Variants in CLIC6 observed in about 807,000 individuals in gnomAD.
CLIC6 encodes the protein CLIC family member 6.
A neutral mutation model predicts 49.2 loss-of-function variants in CLIC6; 39 were observed. The observed-to-expected ratio is 0.79, with a 90% CI of 0.61 to 1.04. The LOEUF (loss-of-function observed/expected upper bound fraction) is 1.04, where lower values mean the gene tolerates loss of function less well. CLIC6 is among the 50% of genes least tolerant of loss of function. The pLI is 0.00. For missense variants in CLIC6, 988 were observed against 993.1 expected (o/e 0.99, Z 0.07); for synonymous variants, 446 against 433.4 (o/e 1.03, Z -0.36).
chr21:34,676,004 G>A (rs1568957204), intron 1 of CLIC6, among the ~76,000 whole-genome samples: 1 of 48,084 alleles, frequency 2.1e-5, no homozygotes, highest in Non-Finnish European at 3.9e-5. Context: ...CTCTGTCTGG[G>A]CTGACAGGCC....
intron 1 of CLIC6, among the ~76,000 whole-genome samples, chr21:34,698,625 T>C (rs1002564781): frequency 3.9e-5 from 6 of 152,194 alleles, no homozygotes; most frequent in Admixed American, 3.3e-4. Flanking sequence ...AGGCGTCGTA[T>C]GTGTACCATC....
intron 5 of CLIC6, among the ~76,000 whole-genome samples, chr21:34,714,168 G>A (rs2056073083): frequency 6.6e-6 from 1 of 152,190 alleles, no homozygotes; most frequent in African/African-American, 2.4e-5. Flanking sequence ...CAGAGAAGGT[G>A]TGTGAAATAA....
chr21:34,710,445 G>A (rs780365320), intron 5 of CLIC6, among the ~76,000 whole-genome samples: 1 of 152,138 alleles, frequency 6.6e-6, no homozygotes. Flanking sequence ...GTATTATTAG[G>A]GCTTAAAGAC....
chr21:34,682,969 G>A (rs539562101), intron 1 of CLIC6, among the ~76,000 whole-genome samples: 284 of 151,534 alleles, frequency 1.9e-3, no homozygotes, highest in African/African-American at 6.6e-3. Flanking sequence ...CCGCCAACAC[G>A]CCCAGCTAAT....
At chr21:34,673,027 AG>A (rs892340067) in intron 1 of CLIC6, among the ~76,000 whole-genome samples, 3 of 152,160 alleles carry the variant, frequency 2.0e-5, no homozygotes, top group Non-Finnish European at 4.4e-5. Flanking sequence ...ATTTATTTTT[AG>A]GGAAAATCCC....
intron 1 of CLIC6, 138 bp downstream of exon 1, chr21:34,670,900 G>A (rs1190626661): frequency 3.9e-6 from 4 of 1,018,440 alleles, no homozygotes; most frequent in African/African-American, 3.4e-5. Flanking sequence ...TGCGCGGGCG[G>A]TAGGCGGGAC....
chr21:34,672,636 A>T (rs1445299056), intron 1 of CLIC6, among the ~76,000 whole-genome samples: 1 of 152,240 alleles, frequency 6.6e-6, no homozygotes, highest in Non-Finnish European at 1.5e-5. Context: ...TCTCCAGCGC[A>T]GAACACAGGT....
chr21:34,677,214 G>C (rs889740635), intron 1 of CLIC6, among the ~76,000 whole-genome samples: 4 of 152,172 alleles, frequency 2.6e-5, no homozygotes, highest in Non-Finnish European at 5.9e-5. Flanking sequence ...AAATTTCCCA[G>C]TTTTGAATTT....
Position 34,670,253 on chromosome 21 carries a change from G to C in CLIC6, c.865G>C (p.Ala289Pro), listed in dbSNP as rs530124031. ...SMDAEGPAGR[A>P]RRVSGEPQQS... ...GGACGCCGAGGGTCCGGCAGGAAGG[G>C]CGCGCCGGGTCTCGGGTGAGCCGCA... Residue 289 changes from alanine (A) to proline (P), a missense_variant, in exon 1 of 6, where the codon GCG (alanine) becomes CCG (proline). Around this residue, in one of 3 missense-constraint regions of CLIC6, gnomAD observed 647 missense variants for 596.9 expected, o/e 1.08. Transcript: ENST00000349499. 68 of 1,432,066 alleles carry C rather than the reference G, an allele frequency of 4.7e-5. 1 individual carries two copies. In the South Asian group the frequency reaches 9.2e-4, roughly 19 times the overall value. 88.7% of individuals were successfully genotyped at this position (1,432,066 alleles called of 1,614,324 possible).
intron 3 of CLIC6, 78 bp downstream of exon 3, chr21:34,708,147 G>C: frequency 1.7e-6 from 2 of 1,167,084 alleles, no homozygotes; most frequent in Middle Eastern, 2.1e-4. Flanking sequence ...GCTCTGGGCA[G>C]TGTGTGTGTG....
At chr21:34,706,676 G>C (rs928946426) in intron 1 of CLIC6, among the ~76,000 whole-genome samples, 2 of 152,162 alleles carry the variant, frequency 1.3e-5, no homozygotes. Flanking sequence ...GAATCATGCA[G>C]GAAGCTTTGA....
intron 1 of CLIC6, among the ~76,000 whole-genome samples, chr21:34,695,863 G>A (rs902787541): frequency 1.2e-4 from 18 of 152,304 alleles, no homozygotes; most frequent in African/African-American, 3.9e-4. Context: ...GGGCCATGAT[G>A]GCCTGGATTA....
intron 1 of CLIC6, among the ~76,000 whole-genome samples, chr21:34,675,593 G>T (rs954682106): frequency 6.6e-6 from 1 of 152,108 alleles, no homozygotes; most frequent in Non-Finnish European, 1.5e-5. Context: ...ATCAGTACCG[G>T]GTTACTTGGG....
At position 34,713,214 on chromosome 21, in the gene CLIC6, A is replaced by T. The variant is rs377227605; in HGVS notation, c.1900-3107A>T. ...AAGACAGATGGGAAATACATATATG[A>T]TCAAGAACTGCTCCTCCAGCACATT... On this transcript the variant is annotated intron_variant, in intron 5 of 5. Transcript: ENST00000349499. Among the ~76,000 whole-genome samples, 108 of 152,364 alleles carry T rather than the reference A, an allele frequency of 7.1e-4. 2 individuals are homozygous for T. The South Asian group carries it at 0.022, about 31-fold the overall frequency.
chr21:34,671,373 CAT>C (rs1414525774), intron 1 of CLIC6, among the ~76,000 whole-genome samples: 1 of 152,114 alleles, frequency 6.6e-6, no homozygotes, highest in Non-Finnish European at 1.5e-5. Context: ...GCCTTATTGA[CAT>C]AATGTTTTTT....
Position 34,669,666 on chromosome 21 carries a change from C to T in CLIC6, c.278C>T (p.Ala93Val). The change falls in exon 1 of 6, where the codon GCC becomes GTC. Residue 93 changes from alanine to valine, a missense_variant. Transcript: ENST00000349499. ...GCCGAGGAGGGAGCCCCGGAGGGTG[C>T]CGAGGTGCCCCAAGGAGGGGAGGAG... is the stretch of plus-strand genomic sequence containing the variant. The part of the protein sequence containing the change: ...TEAEEGAPEG[A>V]EVPQGGEETS... The T allele has an allele frequency of 7.5e-7, 1 of 1,341,028 alleles. No homozygotes were observed. The highest frequency in any genetic ancestry group is 9.5e-7 in the Non-Finnish European group (1 of 1,051,930). 83.1% of individuals were successfully genotyped at this position (1,341,028 alleles called of 1,614,324 possible). A position where few individuals can be genotyped will look rare whatever the true frequency, so the allele number is the denominator to read the frequency against.
chr21:34,717,084 C>G lies in CLIC6; in HGVS notation c.*602C>G, dbSNP rs75634757. The G allele has an allele frequency of 6.6e-6, 1 of 152,164 alleles. No homozygotes were observed. Among genetic ancestry groups the G allele is most frequent in the Non-Finnish European group, 1.5e-5 (1 of 68,080 alleles). The allele number at this position is 152,164 out of a possible 1,614,324, so 9.4% of individuals were successfully genotyped here. Reference sequence around the variant, plus strand: ...TGGGGAATTGTGAAGCCCACAGATGCGCACGCAATGACCAGCAGGAACCGG... The same window carrying G: ...TGGGGAATTGTGAAGCCCACAGATGGGCACGCAATGACCAGCAGGAACCGG... On this transcript the variant is annotated 3_prime_UTR_variant, in exon 6 of 6. Coordinates refer to ENST00000349499, the MANE Select transcript of CLIC6 (RefSeq NM_053277.3).
chr21:34,713,518 G>T (rs2145822081), intron 5 of CLIC6, among the ~76,000 whole-genome samples: 1 of 152,238 alleles, frequency 6.6e-6, no homozygotes, highest in Middle Eastern at 3.4e-3. Context: ...GTTGGTTTTG[G>T]CATGTGGAAT....
intron 5 of CLIC6, among the ~76,000 whole-genome samples, chr21:34,711,524 CAAACAAAT>C (rs1258012773): frequency 5.4e-4 from 70 of 130,812 alleles, no homozygotes; most frequent in Admixed American, 1.1e-3. Context: ...GTCAAATAAA[CAAACAAAT>C]AAATAAATAA....
Sources: allele counts gnomAD v4.1 joint callset (sites outside exome capture counted in the v4.1 genomes callset), GRCh38; gene constraint gnomAD v4.1.1; regional missense constraint gnomAD v4.1.1; transcripts MANE v1.5; gene names NCBI Gene and HGNC (gene_info 2026-07-23, HGNC 2026-07-21).